Variants in ATP8A2 observed in about 807,000 individuals in gnomAD.
The protein encoded by ATP8A2 is phospholipid-transporting ATPase IB.
Under a neutral mutation model 165.6 loss-of-function variants are expected in ATP8A2, and 100 were observed. The ratio of observed to expected loss-of-function variants is 0.60; its 90% CI spans 0.51 to 0.71. The LOEUF (loss-of-function observed/expected upper bound fraction) is 0.71, where lower values mean the gene tolerates loss of function less well. Ranked by LOEUF, ATP8A2 falls within the 30% of genes least tolerant of loss-of-function variation. ATP8A2 has a pLI of 0.00. For synonymous variants in ATP8A2, 543 were observed against 548.8 expected (o/e 0.99, Z 0.15); for missense variants, 1,227 against 1,479.5 (o/e 0.83, Z 2.80).
intron 27 of ATP8A2, among the ~76,000 whole-genome samples, chr13:25,776,764 G>A (rs921711627): frequency 1.3e-5 from 2 of 152,104 alleles, no homozygotes; most frequent in Admixed American, 6.5e-5. Flanking sequence ...CTGTTTCTTC[G>A]TGCTATCCCA....
rs1472398554 is a variant in ATP8A2, at chr13:25,480,093, C to T, written c.221+10972C>T. On this transcript the variant is annotated intron_variant, in intron 2 of 36. Transcript: ENST00000381655. ...CTGGGCAGAGGCGCCCCTCACCTCC[C>T]GGACGGGGCGGCTGGCCGGGCGGGG... Among the ~76,000 whole-genome samples, 482 of 151,600 alleles carry T rather than the reference C, an allele frequency of 3.2e-3. 4 individuals carry two copies. The highest frequency in any genetic ancestry group is 9.7e-3 in the African/African-American group (399 of 41,302).
intron 36 of ATP8A2, 137 bp from the exon 37 acceptor site, chr13:26,019,751 C>T: frequency 1.6e-6 from 1 of 619,592 alleles, no homozygotes; most frequent in South Asian, 2.1e-5. Context: ...TCATCTCAAG[C>T]CTCCACCTAT....
chr13:25,798,553 A>C (rs1354078278), intron 27 of ATP8A2, among the ~76,000 whole-genome samples: 4 of 152,318 alleles, frequency 2.6e-5, no homozygotes, highest in Admixed American at 2.6e-4. Context: ...ATAGATAAAA[A>C]CTATTGCAAA....
intron 33 of ATP8A2, among the ~76,000 whole-genome samples, chr13:25,883,710 T>C (rs1323895907): frequency 6.6e-6 from 1 of 152,146 alleles, no homozygotes; most frequent in Non-Finnish European, 1.5e-5. Flanking sequence ...CAGCTTCTTG[T>C]CACAGCCAGA....
chr13:25,993,150 C>T (rs57294995), intron 35 of ATP8A2, among the ~76,000 whole-genome samples: 3,029 of 151,900 alleles, frequency 0.02, 93 homozygotes, highest in African/African-American at 0.063. Context: ...AATAAACATA[C>T]GTGTGCATGT....
intron 33 of ATP8A2, among the ~76,000 whole-genome samples, chr13:25,881,305 A>G (rs1488444463): frequency 1.3e-5 from 2 of 152,332 alleles, no homozygotes; most frequent in East Asian, 1.9e-4. Flanking sequence ...TGACTTTGGC[A>G]TAACATGCAG....
chr13:25,807,011 T>A, intron 27 of ATP8A2, among the ~76,000 whole-genome samples: 1 of 152,186 alleles, frequency 6.6e-6, no homozygotes, highest in Non-Finnish European at 1.5e-5. Context: ...CTTTGCCCAT[T>A]TTTGGATTGG....
At chr13:25,770,818 A>G (rs962359806) in intron 26 of ATP8A2, among the ~76,000 whole-genome samples, 4 of 152,166 alleles carry the variant, frequency 2.6e-5, no homozygotes, top group Non-Finnish European at 4.4e-5. Context: ...TTGTGTTTCT[A>G]CGGTGTTGAG....
At chr13:25,412,497 A>G (rs905715517) in intron 1 of ATP8A2, among the ~76,000 whole-genome samples, 9 of 152,212 alleles carry the variant, frequency 5.9e-5, no homozygotes, top group Non-Finnish European at 1.5e-5. Context: ...ATTAGATGCT[A>G]AAATAATCCA....
chr13:25,858,523 C>T (rs537964073), intron 30 of ATP8A2, among the ~76,000 whole-genome samples: 5 of 152,152 alleles, frequency 3.3e-5, no homozygotes, highest in East Asian at 1.9e-4. Flanking sequence ...TGGCTGGAAT[C>T]GGGAGACTGT....
intron 27 of ATP8A2, among the ~76,000 whole-genome samples, chr13:25,826,462 A>G (rs965680569): frequency 6.6e-6 from 1 of 152,230 alleles, no homozygotes; most frequent in Non-Finnish European, 1.5e-5. Flanking sequence ...TGTACCAAGT[A>G]TCATACTGGA....
chr13:25,848,631 A>G (rs1310688550), intron 30 of ATP8A2, among the ~76,000 whole-genome samples: 1 of 152,246 alleles, frequency 6.6e-6, no homozygotes, highest in African/African-American at 2.4e-5. Context: ...AGAAATGGCA[A>G]TAGAGGAGAA....
chr13:25,841,136 T>C (rs1039205427), intron 30 of ATP8A2, among the ~76,000 whole-genome samples: 1 of 152,242 alleles, frequency 6.6e-6, no homozygotes, highest in Non-Finnish European at 1.5e-5. Flanking sequence ...TGCCTTGTGG[T>C]TTGTGGTGAA....
At chr13:25,929,576 C>T (rs1385779655) in intron 33 of ATP8A2, among the ~76,000 whole-genome samples, 2 of 152,154 alleles carry the variant, frequency 1.3e-5, no homozygotes, top group South Asian at 2.1e-4. Context: ...ACCTTGCCAG[C>T]GGCCGGGCTC....
chr13:25,780,681 C>T (rs1399381918), intron 27 of ATP8A2, among the ~76,000 whole-genome samples: 1 of 152,088 alleles, frequency 6.6e-6, no homozygotes, highest in East Asian at 1.9e-4. Flanking sequence ...GAGGGCATGG[C>T]TTTGGGATGA....
At chr13:25,952,299 G>A (rs1955388996) in intron 33 of ATP8A2, among the ~76,000 whole-genome samples, 1 of 152,154 alleles carries the variant, frequency 6.6e-6, no homozygotes. Context: ...CTAGATTTCA[G>A]CCTGGAATTT....
At position 25,427,040 on chromosome 13, in the gene ATP8A2, A is replaced by C. The variant is rs1246672250; in HGVS notation, c.77-41937A>C. On this transcript the variant is annotated intron_variant, in intron 1 of 36. Coordinates refer to ENST00000381655, the MANE Select transcript of ATP8A2 (RefSeq NM_016529.6). The stretch of plus-strand genomic sequence containing the variant: ...CAGCGCAAGATGTTAATAAAGGGGG[A>C]AAGCCAGAGGGGGTGTGAGAGAGTA... Among the ~76,000 whole-genome samples the C allele has an allele frequency of 3.3e-5, 5 of 152,314 alleles. No homozygotes were observed. In the South Asian group the frequency reaches 8.3e-4, roughly 25 times the overall value.
chr13:25,481,406 C>G (rs1009903854), intron 2 of ATP8A2, among the ~76,000 whole-genome samples: 2 of 152,204 alleles, frequency 1.3e-5, no homozygotes, highest in African/African-American at 2.4e-5. Context: ...TGAGACTCAA[C>G]GCCCATGCAT....
At chr13:25,960,177 G>C (rs1955627584) in intron 33 of ATP8A2, among the ~76,000 whole-genome samples, 2 of 152,352 alleles carry the variant, frequency 1.3e-5, no homozygotes, top group South Asian at 4.1e-4. Context: ...GGGTGGGGAT[G>C]CTGTGAGTAT....
Sources: gnomAD v4.1 joint callset for allele counts (sites outside exome capture counted in the v4.1 genomes callset) on GRCh38, gnomAD v4.1.1 for gene constraint, MANE v1.5 for transcripts, NCBI Gene and HGNC (gene_info 2026-07-23, HGNC 2026-07-21) for gene names.